VWA8: variants seen among roughly 807,000 people sequenced by gnomAD.
VWA8 encodes the protein von Willebrand factor A domain-containing protein 8.
Under a neutral mutation model 241.5 loss-of-function variants are expected in VWA8, and 221 were observed. That is an observed-to-expected ratio of 0.91 (90% CI 0.82 to 1.02). The LOEUF (loss-of-function observed/expected upper bound fraction) is 1.02, where lower values mean the gene tolerates loss of function less well. VWA8 is among the 50% of genes least tolerant of loss of function. VWA8 has a pLI of 0.00. For synonymous variants in VWA8, 852 were observed against 827.1 expected, an observed-to-expected ratio of 1.03 and a Z score of -0.52; for missense variants, 2,322 against 2,328.7, an observed-to-expected ratio of 1.00 and a Z score of 0.06.
chr13:41,700,473 T>A (rs1216556836), intron 28 of VWA8, among the ~76,000 whole-genome samples: 1 of 152,174 alleles, frequency 6.6e-6, no homozygotes, highest in Non-Finnish European at 1.5e-5. Context: ...AATTTATGGA[T>A]CTTTCATAAT....
chr13:41,793,627 C>T (rs547370137), intron 17 of VWA8, among the ~76,000 whole-genome samples: 1 of 152,244 alleles, frequency 6.6e-6, no homozygotes, highest in East Asian at 1.9e-4. Context: ...TCCTGGCCAA[C>T]ATGGTGAAAC....
chr13:41,927,813 T>TA (rs1455750483), intron 2 of VWA8, among the ~76,000 whole-genome samples: 1 of 152,040 alleles, frequency 6.6e-6, no homozygotes, highest in African/African-American at 2.4e-5. Flanking sequence ...TGCATGGATT[T>TA]AAAAAAAGGG....
intron 21 of VWA8, among the ~76,000 whole-genome samples, chr13:41,745,779 C>T (rs570560379): frequency 4.7e-4 from 72 of 152,112 alleles, no homozygotes; most frequent in African/African-American, 1.7e-3. Flanking sequence ...ACTAGTTCAA[C>T]CATTGTGGAA....
chr13:41,789,036 AC>A (rs1463459500), intron 17 of VWA8, among the ~76,000 whole-genome samples: 1 of 152,136 alleles, frequency 6.6e-6, no homozygotes, highest in Non-Finnish European at 1.5e-5. Context: ...CTGAGACTGA[AC>A]ACACTTCACC....
chr13:41,927,297 G>A, intron 2 of VWA8: 1 of 519,622 alleles, frequency 1.9e-6, no homozygotes, highest in Non-Finnish European at 3.9e-6. Context: ...AAGACAAGGA[G>A]AATGTAGCAA....
intron 17 of VWA8, among the ~76,000 whole-genome samples, chr13:41,788,086 A>C (rs1869289255): frequency 6.6e-6 from 1 of 152,182 alleles, no homozygotes; most frequent in African/African-American, 2.4e-5. Flanking sequence ...AGTGAGTGAC[A>C]GTTATTCTTC....
chr13:41,917,058 C>A (rs1346533273), intron 2 of VWA8, among the ~76,000 whole-genome samples: 1 of 152,126 alleles, frequency 6.6e-6, no homozygotes, highest in Non-Finnish European at 1.5e-5. Flanking sequence ...GATTCAATTC[C>A]TAACCAATAT....
chr13:41,672,567 T>C (rs1426757042), intron 36 of VWA8, among the ~76,000 whole-genome samples: 1 of 152,192 alleles, frequency 6.6e-6, no homozygotes, highest in Non-Finnish European at 1.5e-5. Context: ...TTAGGTAAAT[T>C]CTTATAATAT....
At chr13:41,632,419 G>A (rs1302871031) in intron 37 of VWA8, among the ~76,000 whole-genome samples, 8 of 152,170 alleles carry the variant, frequency 5.3e-5, no homozygotes, top group Non-Finnish European at 1.2e-4. Flanking sequence ...GCAAAAGGGG[G>A]ATTTAATATG....
Position 41,816,696 on chromosome 13 carries a change from A to C in VWA8, c.1947+2T>G, listed in dbSNP as rs199911677. On this transcript the variant is annotated splice_donor_variant, in intron 16 of 44. Transcript: ENST00000379310. LOFTEE classifies it high-confidence loss of function. ...AATCCTGTGGAAAAAGCCTAGACTT[A>C]CCGTTGGATCCTGTGTTTCTCTGAG... is the stretch of plus-strand genomic sequence containing the variant. 2 of 1,612,736 alleles carry C rather than the reference A, an allele frequency of 1.2e-6. No individual in the cohort carries two copies. Among genetic ancestry groups the C allele is most frequent in the Admixed American group, 3.3e-5 (2 of 59,926 alleles).
rs186939342 is a variant in VWA8 at position 41,865,792 on chromosome 13, C to T, written c.1369G>A (p.Ala457Thr). The change falls in exon 12 of 45, where the codon GCT (alanine) becomes ACT (threonine). Residue 457 changes from alanine (A) to threonine (T), a missense_variant. By Grantham distance (58) the Ala-to-Thr change is moderately conservative (BLOSUM62 0). Transcript: ENST00000379310. ...GGKGCGKTVI[A>T]KNFADTLGYN... ...CCTAAGGTATCGGCAAAGTTCTTAG[C>T]GATCACTGTTTTTCCACAACCCTAC... The T allele has an allele frequency of 1.5e-5, 25 of 1,614,040 alleles. No homozygotes were observed. The highest frequency in any genetic ancestry group is 4.5e-5 in the East Asian group (2 of 44,868).
At chr13:41,733,788 TC>T (rs1170679078) in intron 21 of VWA8, among the ~76,000 whole-genome samples, 15 of 152,162 alleles carry the variant, frequency 9.9e-5, no homozygotes, top group South Asian at 6.2e-4. Flanking sequence ...ACAGAACATG[TC>T]CACACTGTCC....
At chr13:41,643,429 C>T (rs538316172) in intron 37 of VWA8, among the ~76,000 whole-genome samples, 8 of 152,300 alleles carry the variant, frequency 5.3e-5, no homozygotes, top group Admixed American at 3.3e-4. Flanking sequence ...TAGTACAATG[C>T]CTAGTGCATA....
At chr13:41,600,770 T>A (rs147357620) in intron 40 of VWA8, among the ~76,000 whole-genome samples, 1 of 152,096 alleles carries the variant, frequency 6.6e-6, no homozygotes, top group Non-Finnish European at 1.5e-5. Context: ...CTTTCTGTCC[T>A]CCAGGGCTTG....
chr13:41,570,731 A>G (rs2044295946), intron 43 of VWA8, 25 bp from the exon 44 acceptor site: 2 of 1,597,284 alleles, frequency 1.3e-6, no homozygotes, highest in East Asian at 4.5e-5. Context: ...AGTTGCACAA[A>G]AGCCATGGCT....
chr13:41,823,247 C>T (rs1871037903), intron 14 of VWA8, among the ~76,000 whole-genome samples: 1 of 151,962 alleles, frequency 6.6e-6, no homozygotes, highest in African/African-American at 2.4e-5. Flanking sequence ...ATAATATAAC[C>T]GATCAAGGAT....
Position 41,675,398 on chromosome 13 carries a change from T to C in VWA8, c.4328-102A>G, listed in dbSNP as rs1301304502. 1.3e-5 allele frequency: 10 copies of C among 750,724 alleles called. 1 individual carries two copies. The highest frequency in any genetic ancestry group is 3.5e-5 in the South Asian group (2 of 56,422). 46.5% of individuals were successfully genotyped at this position (750,724 alleles called of 1,614,324 possible). On this transcript the variant is annotated intron_variant, in intron 35 of 44. Transcript: ENST00000379310. ...TTATCTGTAGCCTAGGGTAGAACGC[T>C]GGGATCTACTTGACAAGGTACTGGG... is the stretch of plus-strand genomic sequence containing the variant.
chr13:41,726,127 AT>A (rs550531427), intron 24 of VWA8, among the ~76,000 whole-genome samples: 106 of 150,220 alleles, frequency 7.1e-4, no homozygotes, highest in African/African-American at 2.0e-3. Context: ...TTGAGTATTG[AT>A]TTTTTTTTTC....
At chr13:41,703,451 A>C in intron 26 of VWA8, 40 bp from the exon 27 acceptor site, 1 of 1,574,844 alleles carries the variant, frequency 6.3e-7, no homozygotes, top group Non-Finnish European at 8.7e-7. Context: ...TTCTTATTGT[A>C]CCCAAGTCAT....
Sources: allele counts gnomAD v4.1 joint callset (sites outside exome capture counted in the v4.1 genomes callset), GRCh38; gene constraint gnomAD v4.1.1; transcripts MANE v1.5; gene names NCBI Gene and HGNC (gene_info 2026-07-23, HGNC 2026-07-21).